ZNF513: variants seen among roughly 807,000 people sequenced by gnomAD.
ZNF513 encodes zinc finger protein 513.
Under a neutral mutation model 39.7 loss-of-function variants are expected in ZNF513, and 16 were observed. The observed-to-expected ratio is 0.40, with a 90% CI of 0.27 to 0.61. The LOEUF is 0.61. Among genes scored for constraint, ZNF513 ranks in the 20% least tolerant of loss-of-function variants. The pLI is 0.39. For synonymous variants in ZNF513, 348 were observed against 296.5 expected, an observed-to-expected ratio of 1.17 and a Z score of -1.79; for missense variants, 699 against 743.6, an observed-to-expected ratio of 0.94 and a Z score of 0.70.
Position 27,378,921 on chromosome 2 carries a change from C to T in ZNF513, c.345G>A (p.Arg115=). The T allele has an allele frequency of 6.2e-7, 1 of 1,607,636 alleles. No individual in the cohort carries two copies. The highest frequency in any genetic ancestry group is 8.5e-7 in the Non-Finnish European group (1 of 1,176,756). Residue 115 remains arginine (R), a synonymous_variant, in exon 3 of 4, where the codon AGG becomes AGA. Transcript: ENST00000323703. The surrounding 1 kb of genome is among the most constrained non-coding windows in gnomAD (Gnocchi z 8.0). ...CACACAGCTGGCAGGCTGGGCCTGG[C>T]CTCTCACCCCTGGCCTCCCCTGGAC... ...ARGPGEARGE[R]PGPACQLCGG...
At position 27,379,068 on chromosome 2, in the gene ZNF513, CATA is replaced by C. The variant is rs1003013705; in HGVS notation, c.212-17_212-15del. The stretch of plus-strand genomic sequence containing the variant: ...CCAGAGAGTCTCCTGGTGAAATAGA[CATA>C]AGAAGAGACATCAGCATAGGGTAGG... On this transcript the variant is annotated splice_polypyrimidine_tract_variant and intron_variant, in intron 2 of 3. Transcript: ENST00000323703. The C allele has an allele frequency of 6.2e-7, 1 of 1,611,246 alleles. No individual in the cohort carries two copies. Among genetic ancestry groups the C allele is most frequent in the Non-Finnish European group, 8.5e-7 (1 of 1,179,000 alleles).
At position 27,380,727 on chromosome 2, in the gene ZNF513, A is replaced by AAGC; in HGVS notation, c.-202_-201insGCT. 1.1e-6 allele frequency: 1 copy of AAGC among 938,114 alleles called. No homozygotes were observed. Among genetic ancestry groups the AAGC allele is most frequent in the Non-Finnish European group, 1.4e-6 (1 of 720,538 alleles). 58.1% of individuals were successfully genotyped at this position (938,114 alleles called of 1,614,324 possible). The stretch of plus-strand genomic sequence containing the variant: ...CCGCCGCCGCCGCTTCCATTCATGG[A>AAGC]GCCCCCTACCCCCCTACGGAGACCA... On this transcript the variant is annotated 5_prime_UTR_variant, in exon 1 of 4. Transcript: ENST00000323703.
chr2:27,380,632 C>T lies in ZNF513; in HGVS notation c.-106G>A. On this transcript the variant is annotated 5_prime_UTR_variant, in exon 1 of 4. Coordinates refer to ENST00000323703, the MANE Select transcript of ZNF513 (RefSeq NM_144631.6). ...CTTCCTCTCAGGGCCCGCGGGCCGC[C>T]CCCATGCAGCGGCGCGGGCCCTGGG... is the stretch of plus-strand genomic sequence containing the variant. The T allele has an allele frequency of 6.2e-6, 9 of 1,442,812 alleles. No individual in the cohort carries two copies. The highest frequency in any genetic ancestry group is 8.2e-6 in the Non-Finnish European group (9 of 1,101,908). The allele number at this position is 1,442,812 out of a possible 1,614,324, so 89.4% of individuals were successfully genotyped here. A position where few individuals can be genotyped will look rare whatever the true frequency, so the allele number is the denominator to read the frequency against.
rs1055973876 is a variant in ZNF513, at chr2:27,379,024, G to T, written c.242C>A (p.Pro81His). Residue 81 changes from proline (P) to histidine (H), a missense_variant, in exon 3 of 4, where the codon CCC becomes CAC. Physicochemically the swap from Pro to His is moderately conservative, Grantham distance 77. Transcript: ENST00000323703. Reference sequence around the variant, plus strand: ...AGACTCATCGTCGCTCAGCCCATAGGGAAGCCCAGGCCTGGCCCCCAGAGA... The same window carrying T: ...AGACTCATCGTCGCTCAGCCCATAGTGAAGCCCAGGCCTGGCCCCCAGAGA... ...GDSLGARPGLPYGLSDDESGG... is the reference protein window; with the variant it reads ...GDSLGARPGLHYGLSDDESGG... 2 of 1,613,032 alleles carry T rather than the reference G, an allele frequency of 1.2e-6. No individual in the cohort carries two copies. The highest frequency in any genetic ancestry group is 1.7e-6 in the Non-Finnish European group (2 of 1,179,992).
At position 27,378,460 on chromosome 2, in the gene ZNF513, G is replaced by C; in HGVS notation, c.799+7C>G. On this transcript the variant is annotated splice_region_variant and intron_variant, in intron 3 of 3. Transcript: ENST00000323703. This position sits in a 1 kb window ranked among gnomAD's most constrained non-coding sequence, Gnocchi z 8.0. ...TCCCAAGATCTTTGGTCCCTGGTGTGTCTTACCTTCAGGTCGCCGGGGCAC... is the reference window on the plus strand; with the variant it reads ...TCCCAAGATCTTTGGTCCCTGGTGTCTCTTACCTTCAGGTCGCCGGGGCAC... 6.2e-7 allele frequency: 1 copy of C among 1,614,058 alleles called. No homozygotes were observed. The highest frequency in any genetic ancestry group is 1.1e-5 in the South Asian group (1 of 91,092).
Position 27,380,630 on chromosome 2 carries a change from G to A in ZNF513, c.-104C>T, listed in dbSNP as rs902378833. 4.8e-5 allele frequency: 70 copies of A among 1,453,986 alleles called. No individual in the cohort carries two copies. Among genetic ancestry groups the A allele is most frequent in the Non-Finnish European group, 6.2e-5 (68 of 1,105,496 alleles). 90.1% of individuals were successfully genotyped at this position (1,453,986 alleles called of 1,614,324 possible). On this transcript the variant is annotated 5_prime_UTR_variant, in exon 1 of 4. Coordinates refer to ENST00000323703, the MANE Select transcript of ZNF513 (RefSeq NM_144631.6). ...CCCTTCCTCTCAGGGCCCGCGGGCC[G>A]CCCCCATGCAGCGGCGCGGGCCCTG...
intron 2 of ZNF513, among the ~76,000 whole-genome samples, 195 bp from the exon 3 acceptor site, chr2:27,379,249 A>C (rs947727562): frequency 5.3e-5 from 8 of 152,148 alleles, no homozygotes; most frequent in African/African-American, 1.9e-4. Flanking sequence ...TACCTCTTAC[A>C]CTGGACTAAT....
chr2:27,378,889 G>A lies in ZNF513; in HGVS notation c.377C>T (p.Pro126Leu), dbSNP rs776689084. Residue 126 changes from proline (P) to leucine (L), a missense_variant, in exon 3 of 4, where the codon CCG (proline) becomes CTG (leucine). Pro to Leu is a moderately conservative substitution (Grantham distance 98). Transcript: ENST00000323703. This position sits in a 1 kb window ranked among gnomAD's most constrained non-coding sequence, Gnocchi z 8.0. The stretch of plus-strand genomic sequence containing the variant: ...CCCACAACACGGCCCCTCACCTGTC[G>A]GCCCCCCACACAGCTGGCAGGCTGG... ...PGPACQLCGG[P>L]TGEGPCCGAG... The A allele has an allele frequency of 2.6e-5, 41 of 1,602,424 alleles. No individual in the cohort carries two copies. In the African/African-American group the frequency reaches 2.7e-4, roughly 10 times the overall value.
rs764860148 is a variant in ZNF513 at position 27,378,794 on chromosome 2, C to T, written c.472G>A (p.Val158Met). 12 of 1,613,852 alleles carry T rather than the reference C, an allele frequency of 7.4e-6. No homozygotes were observed. Among genetic ancestry groups the T allele is most frequent in the South Asian group, 4.4e-5 (4 of 91,072 alleles). The change falls in exon 3 of 4, where the codon GTG becomes ATG. Residue 158 changes from valine to methionine, a missense_variant. Physicochemically the swap from Val to Met is conservative, Grantham distance 21. Coordinates refer to ENST00000323703, the MANE Select transcript of ZNF513 (RefSeq NM_144631.6). The surrounding 1 kb of genome is among the most constrained non-coding windows in gnomAD (Gnocchi z 8.0). ...LLYSCRLCTF[V>M]SHYSSHLKRH... ...TTCAGGTGGCTCGAGTAGTGGGACACGAAGGTGCAGAGGCGGCATGAGTAC... is the reference window on the plus strand; with the variant it reads ...TTCAGGTGGCTCGAGTAGTGGGACATGAAGGTGCAGAGGCGGCATGAGTAC...
intron 2 of ZNF513, 37 bp from the exon 3 acceptor site, chr2:27,379,091 G>A (rs1683498008): frequency 5.6e-6 from 9 of 1,596,604 alleles, no homozygotes; most frequent in South Asian, 2.2e-5. Context: ...ATCAGCATAG[G>A]GTAGGATCAG....
chr2:27,377,563 G>C lies in ZNF513; in HGVS notation c.1608C>G (p.Val536=). 1 of 1,614,088 alleles carries C rather than the reference G, an allele frequency of 6.2e-7. No individual in the cohort carries two copies. The change falls in exon 4 of 4, where the codon GTC becomes GTG. Residue 536 remains valine, a synonymous_variant. Coordinates refer to ENST00000323703, the MANE Select transcript of ZNF513 (RefSeq NM_144631.6). The surrounding 1 kb of genome is among the most constrained non-coding windows in gnomAD (Gnocchi z 4.4). ...ACCTAGTTCAGGATGAGTCTGTGTGGACAGCCCGGCTGCCAGCAGTCCCCA... is the reference window on the plus strand; with the variant it reads ...ACCTAGTTCAGGATGAGTCTGTGTGCACAGCCCGGCTGCCAGCAGTCCCCA... ...PALGTAGSRA[V]HTDSS
chr2:27,380,532 C>T lies in ZNF513; in HGVS notation c.-6G>A. On this transcript the variant is annotated 5_prime_UTR_variant, in exon 1 of 4. Transcript: ENST00000323703. ...CTTTGCTTCCTTCGGGGCATCGTGA[C>T]CGGCTCCAGCCCGACGCGCCTCCGG... is the stretch of plus-strand genomic sequence containing the variant. 1.3e-6 allele frequency: 2 copies of T among 1,568,142 alleles called. No homozygotes were observed. Among genetic ancestry groups the T allele is most frequent in the Non-Finnish European group, 1.7e-6 (2 of 1,147,392 alleles).
In ZNF513 at chr2:27,378,862, G is replaced by T; in HGVS notation, c.404C>A (p.Ala135Glu). 6.2e-7 allele frequency: 1 copy of T among 1,604,854 alleles called. No homozygotes were observed. Among genetic ancestry groups the T allele is most frequent in the Non-Finnish European group, 8.5e-7 (1 of 1,175,808 alleles). Residue 135 changes from alanine to glutamate, a missense_variant, in exon 3 of 4, where the codon GCA (alanine) becomes GAA (glutamate). Transcript: ENST00000323703. The surrounding 1 kb of genome is among the most constrained non-coding windows in gnomAD (Gnocchi z 8.0). The stretch of plus-strand genomic sequence containing the variant: ...CAGGGGCCCCCCACCCGGCCCTCCT[G>T]CCCCACAACACGGCCCCTCACCTGT... The part of the protein sequence containing the change: ...GPTGEGPCCG[A>E]GGPGGGPLLP...
rs766948743 is a variant in ZNF513, at chr2:27,380,256, G to A, written c.56-8C>T. The A allele has an allele frequency of 4.8e-5, 78 of 1,613,756 alleles. No individual in the cohort carries two copies. The highest frequency in any genetic ancestry group is 2.9e-4 in the East Asian group (13 of 44,862). ...GGGAGTCTTCAGTATCCACTGAAGA[G>A]GGGAGGGGGCTTGTGGATTCTCCCT... On this transcript the variant is annotated splice_polypyrimidine_tract_variant and splice_region_variant and intron_variant, in intron 1 of 3. Transcript: ENST00000323703.
At position 27,378,332 on chromosome 2, in the gene ZNF513, G is replaced by A; in HGVS notation, c.839C>T (p.Pro280Leu). 6.2e-7 allele frequency: 1 copy of A among 1,601,630 alleles called. No individual in the cohort carries two copies. Among genetic ancestry groups the A allele is most frequent in the Non-Finnish European group, 8.5e-7 (1 of 1,179,970 alleles). ...LLPDLSLHVP[P>L]GGASFLPDCG... ...GTCTGGCAGGAAACTGGCACCACCT[G>A]GTGGCACATGGAGGCTCAAATCTGG... The change falls in exon 4 of 4, where the codon CCA becomes CTA. Residue 280 changes from proline (P) to leucine (L), a missense_variant. This residue lies in a region of ZNF513 where 530 missense variants were observed against 499.3 expected (regional missense o/e 1.06). Coordinates refer to ENST00000323703, the MANE Select transcript of ZNF513 (RefSeq NM_144631.6). This position sits in a 1 kb window ranked among gnomAD's most constrained non-coding sequence, Gnocchi z 8.0.
At position 27,377,752 on chromosome 2, in the gene ZNF513, G is replaced by A; in HGVS notation, c.1419C>T (p.Arg473=). Residue 473 remains arginine (R), a synonymous_variant, in exon 4 of 4, where the codon CGC becomes CGT. Coordinates refer to ENST00000323703, the MANE Select transcript of ZNF513 (RefSeq NM_144631.6). The surrounding 1 kb of genome is among the most constrained non-coding windows in gnomAD (Gnocchi z 4.4). ...CCGTGGTATAGGCGCAGGTGGCACA[G>A]CGGAAGGGCTTCTCGCCTGTGTGCC... ...MLRHTGEKPF[R]CATCAYTTGH... 6.2e-7 allele frequency: 1 copy of A among 1,614,244 alleles called. No homozygotes were observed.
rs773644124 is a variant in ZNF513 at position 27,378,426 on chromosome 2, C to G, written c.799+41G>C. 6.2e-7 allele frequency: 1 copy of G among 1,613,094 alleles called. No individual in the cohort carries two copies. Among genetic ancestry groups the G allele is most frequent in the East Asian group, 2.2e-5 (1 of 44,890 alleles). ...CCAATCCAAGCATTCCTAGGGTCAGCCACCCATGTCCCAAGATCTTTGGTC... is the reference window on the plus strand; with the variant it reads ...CCAATCCAAGCATTCCTAGGGTCAGGCACCCATGTCCCAAGATCTTTGGTC... On this transcript the variant is annotated intron_variant, in intron 3 of 3. Transcript: ENST00000323703. The surrounding 1 kb of genome is among the most constrained non-coding windows in gnomAD (Gnocchi z 8.0).
Position 27,380,350 on chromosome 2 carries a change from G to A in ZNF513, c.56-102C>T, listed in dbSNP as rs1444541578. On this transcript the variant is annotated intron_variant, in intron 1 of 3. Transcript: ENST00000323703. Reference sequence around the variant, plus strand: ...CCACTCTGATTCCCTTAGTGCCTCGGTGGGAAGCTAGGAGTCTGGATCGCC... The same window carrying A: ...CCACTCTGATTCCCTTAGTGCCTCGATGGGAAGCTAGGAGTCTGGATCGCC... 8.1e-6 allele frequency: 13 copies of A among 1,605,426 alleles called. No homozygotes were observed. In the Admixed American group the frequency reaches 2.2e-4, roughly 27 times the overall value.
In ZNF513 at chr2:27,377,955, G is replaced by A. The variant is rs774501409; in HGVS notation, c.1216C>T (p.His406Tyr). Reference protein sequence around the residue: ...ASAHLDNLKRHQRVHTGEKPY... With the variant: ...ASAHLDNLKRYQRVHTGEKPY... ...TTCTCTCCTGTATGGACGCGCTGGT[G>A]CCGTTTCAGGTTATCCAGATGAGCA... is the stretch of plus-strand genomic sequence containing the variant. The change falls in exon 4 of 4, where the codon CAC (histidine) becomes TAC (tyrosine). Residue 406 changes from histidine to tyrosine, a missense_variant. Coordinates refer to ENST00000323703, the MANE Select transcript of ZNF513 (RefSeq NM_144631.6). The surrounding 1 kb of genome is among the most constrained non-coding windows in gnomAD (Gnocchi z 4.4). The A allele has an allele frequency of 6.2e-7, 1 of 1,614,114 alleles. No individual in the cohort carries two copies. Among genetic ancestry groups the A allele is most frequent in the Non-Finnish European group, 8.5e-7 (1 of 1,179,962 alleles).
Sources: gnomAD v4.1 joint callset for allele counts (sites outside exome capture counted in the v4.1 genomes callset) on GRCh38, gnomAD v4.1.1 for gene constraint, gnomAD v4.1.1 regional missense constraint, Gnocchi (gnomAD v3.1) non-coding constraint, MANE v1.5 for transcripts, NCBI Gene and HGNC (gene_info 2026-07-23, HGNC 2026-07-21) for gene names.